Variants in LRRC20 observed in about 807,000 individuals in gnomAD.
LRRC20 encodes leucine rich repeat containing 20.
LRRC20 carries 11 observed loss-of-function variants against 14.4 expected under a neutral mutation model. The ratio of observed to expected loss-of-function variants is 0.77; its 90% confidence interval spans 0.48 to 1.27. The LOEUF (loss-of-function observed/expected upper bound fraction) is 1.27, where lower values mean the gene tolerates loss of function less well. Among genes scored for constraint, LRRC20 ranks in the 50% most tolerant of loss-of-function variants. The pLI is 0.00. For synonymous variants in LRRC20, 121 were observed against 107.3 expected, an observed-to-expected ratio of 1.13 and a Z score of -0.79; for missense variants, 219 against 251.2, an observed-to-expected ratio of 0.87 and a Z score of 0.87.
intron 3 of LRRC20, among the ~76,000 whole-genome samples, chr10:70,337,051 C>T (rs190076142): frequency 1.3e-5 from 2 of 152,316 alleles, no homozygotes; most frequent in African/African-American, 2.4e-5. Flanking sequence ...GATGGAATCA[C>T]CTAGAGATGA....
chr10:70,305,890 G>A (rs371091203), intron 4 of LRRC20, among the ~76,000 whole-genome samples: 14 of 151,950 alleles, frequency 9.2e-5, no homozygotes, highest in African/African-American at 3.1e-4. Context: ...ACAGGTGCCC[G>A]CCACCACGCC....
At chr10:70,304,621 T>C (rs1841349551) in intron 4 of LRRC20, among the ~76,000 whole-genome samples, 1 of 151,766 alleles carries the variant, frequency 6.6e-6, no homozygotes, top group Non-Finnish European at 1.5e-5. Context: ...TTCAGCAGCA[T>C]GGACACATTC....
chr10:70,328,242 A>G (rs1842398332), intron 3 of LRRC20, among the ~76,000 whole-genome samples: 1 of 152,124 alleles, frequency 6.6e-6, no homozygotes, highest in Non-Finnish European at 1.5e-5. Context: ...CTAAGCACCT[A>G]CTATATGCTC....
intron 4 of LRRC20, among the ~76,000 whole-genome samples, chr10:70,306,811 C>G (rs1841443796): frequency 6.6e-6 from 1 of 152,226 alleles, no homozygotes; most frequent in Non-Finnish European, 1.5e-5. Flanking sequence ...CTGACCTGAT[C>G]TTTATGATGG....
intron 3 of LRRC20, among the ~76,000 whole-genome samples, chr10:70,337,981 A>G (rs1008707577): frequency 3.9e-5 from 6 of 152,056 alleles, no homozygotes; most frequent in African/African-American, 9.7e-5. Flanking sequence ...CAATCATTCT[A>G]TCCTCCTCGG....
chr10:70,301,578 A>G, intron 4 of LRRC20, 70 bp from the exon 5 acceptor site: 1 of 1,556,706 alleles, frequency 6.4e-7, no homozygotes, highest in South Asian at 1.2e-5. Flanking sequence ...ACAATGGGCC[A>G]TGAGGACTCT....
rs555766238 is a variant in LRRC20, at chr10:70,327,013, T to C, written c.233-2983A>G. ...TTTATCAAACCAACTCAGGCATGAGTCTAATTGTATTCCCACAGTGGCTGA... is the reference window on the plus strand; with the variant it reads ...TTTATCAAACCAACTCAGGCATGAGCCTAATTGTATTCCCACAGTGGCTGA... On this transcript the variant is annotated intron_variant, in intron 3 of 4. Transcript: ENST00000446961. Among the ~76,000 whole-genome samples the C allele has an allele frequency of 1.6e-4, 25 of 152,124 alleles. No individual in the cohort carries two copies. The South Asian group carries it at 5.2e-3, about 32-fold the overall frequency.
chr10:70,323,942 G>A lies in LRRC20; in HGVS notation c.321C>T (p.Asn107=). 6.2e-7 allele frequency: 1 copy of A among 1,614,224 alleles called. No homozygotes were observed. Among genetic ancestry groups the A allele is most frequent in the Non-Finnish European group, 8.5e-7 (1 of 1,180,036 alleles). ...GCTGCTCAGGGAAGTCCTGGAACTGGTTCCGGGACAGGTCAATGGCCTTGA... is the reference window on the plus strand; with the variant it reads ...GCTGCTCAGGGAAGTCCTGGAACTGATTCCGGGACAGGTCAATGGCCTTGA... ...QHLKAIDLSR[N]QFQDFPEQLT... The change falls in exon 4 of 5, where the codon AAC becomes AAT. Residue 107 remains asparagine, a synonymous_variant. Coordinates refer to ENST00000446961, the MANE Select transcript of LRRC20 (RefSeq NM_001278212.2).
At chr10:70,312,057 G>C (rs1841687391) in intron 4 of LRRC20, among the ~76,000 whole-genome samples, 1 of 152,182 alleles carries the variant, frequency 6.6e-6, no homozygotes, top group African/African-American at 2.4e-5. Flanking sequence ...GGTGCCCACA[G>C]TGGGACCCTG....
At chr10:70,304,908 G>GC (rs1176484186) in intron 4 of LRRC20, among the ~76,000 whole-genome samples, 1 of 152,232 alleles carries the variant, frequency 6.6e-6, no homozygotes, top group Non-Finnish European at 1.5e-5. Context: ...AGAAATGCCA[G>GC]CCACGGTGGC....
At chr10:70,355,408 C>T (rs139819691) in intron 2 of LRRC20, among the ~76,000 whole-genome samples, 8 of 152,020 alleles carry the variant, frequency 5.3e-5, no homozygotes, top group Non-Finnish European at 7.4e-5. Context: ...TGTCTCATGC[C>T]CCTTATAGAG....
chr10:70,344,385 C>T (rs190385290), intron 2 of LRRC20, among the ~76,000 whole-genome samples: 19 of 152,146 alleles, frequency 1.2e-4, no homozygotes, highest in African/African-American at 4.3e-4. Context: ...ATGGTCTCAG[C>T]AAAGCGGCTA....
intron 3 of LRRC20, 27 bp from the exon 4 acceptor site, chr10:70,324,057 A>G (rs1371074167): frequency 1.9e-6 from 3 of 1,611,344 alleles, no homozygotes; most frequent in Non-Finnish European, 1.7e-6. Flanking sequence ...AGGAGAGAGA[A>G]CAGGATGAGG....
rs532555964 is a variant in LRRC20 at position 70,318,031 on chromosome 10, C to T, written c.400+5832G>A. On this transcript the variant is annotated intron_variant, in intron 4 of 4. Transcript: ENST00000446961. ...CCTTATTAAATGAGGACTTATTATA[C>T]AAACAAATCACTGGGGGTTCTTGCT... Among the ~76,000 whole-genome samples the T allele has an allele frequency of 4.6e-5, 7 of 152,364 alleles. No homozygotes were observed. In the South Asian group the frequency reaches 1.4e-3, roughly 32 times the overall value.
chr10:70,347,732 T>C (rs576444327), intron 2 of LRRC20, among the ~76,000 whole-genome samples: 1 of 151,496 alleles, frequency 6.6e-6, no homozygotes, highest in South Asian at 2.1e-4. Flanking sequence ...GGTGGGAGAA[T>C]TGCTTGAGCC....
intron 4 of LRRC20, among the ~76,000 whole-genome samples, chr10:70,321,676 C>T (rs1394052312): frequency 2.6e-5 from 4 of 152,210 alleles, no homozygotes; most frequent in African/African-American, 9.6e-5. Context: ...TTCCATATCA[C>T]CAAGGCCTGG....
chr10:70,349,847 T>A (rs1449335479), intron 2 of LRRC20, among the ~76,000 whole-genome samples: 1 of 152,168 alleles, frequency 6.6e-6, no homozygotes, highest in Non-Finnish European at 1.5e-5. Context: ...ACTTTCCTAA[T>A]TTTAGCATTG....
chr10:70,376,017 T>C (rs1272551652), intron 2 of LRRC20, among the ~76,000 whole-genome samples: 3 of 152,192 alleles, frequency 2.0e-5, no homozygotes, highest in Non-Finnish European at 2.9e-5. Context: ...AAACCCATTT[T>C]GCCGTCCCCT....
chr10:70,337,546 G>A (rs1045193033), intron 3 of LRRC20, among the ~76,000 whole-genome samples: 1 of 152,206 alleles, frequency 6.6e-6, no homozygotes, highest in African/African-American at 2.4e-5. Context: ...TCCCACAGAT[G>A]CATGGGCTAA....
Sources: allele counts gnomAD v4.1 joint callset (sites outside exome capture counted in the v4.1 genomes callset), GRCh38; gene constraint gnomAD v4.1.1; transcripts MANE v1.5; gene names NCBI Gene and HGNC (gene_info 2026-07-23, HGNC 2026-07-21).